PRSS23: variants seen among roughly 807,000 people sequenced by gnomAD.
The protein encoded by PRSS23 is protease, serine 23.
A neutral mutation model predicts 34.7 loss-of-function variants in PRSS23; 25 were observed. The observed-to-expected ratio is 0.72, with a 90% CI of 0.53 to 1.01. The LOEUF (loss-of-function observed/expected upper bound fraction) is 1.01, where lower values mean the gene tolerates loss of function less well. Ranked by LOEUF, PRSS23 falls within the 50% of genes least tolerant of loss-of-function variation. The pLI is 0.00. For synonymous variants in PRSS23, 176 were observed against 186.6 expected, an observed-to-expected ratio of 0.94 and a Z score of 0.46; for missense variants, 445 against 475.6, an observed-to-expected ratio of 0.94 and a Z score of 0.60.
intron 2 of PRSS23, among the ~76,000 whole-genome samples, chr11:86,842,958 G>C (rs1472993366): frequency 6.6e-6 from 1 of 152,112 alleles, no homozygotes; most frequent in African/African-American, 2.4e-5. Flanking sequence ...AGCCCACATA[G>C]CCAAGACAAT....
chr11:86,891,196 G>A (rs1254431205), intron 2 of PRSS23, among the ~76,000 whole-genome samples: 1 of 152,086 alleles, frequency 6.6e-6, no homozygotes, highest in Non-Finnish European at 1.5e-5. Flanking sequence ...GCAGAACAGC[G>A]AGGTAATTAT....
At chr11:86,855,763 A>G (rs954229667) in intron 2 of PRSS23, among the ~76,000 whole-genome samples, 9 of 152,164 alleles carry the variant, frequency 5.9e-5, no homozygotes, top group African/African-American at 2.2e-4. Context: ...GGCCTCCCAA[A>G]GTGCTGGGAT....
intron 2 of PRSS23, chr11:86,940,636 G>C (rs146457343): frequency 6.6e-6 from 1 of 152,220 alleles, no homozygotes; most frequent in South Asian, 2.1e-4. Flanking sequence ...GAGCGCAGGA[G>C]AGAATACGGC....
intron 2 of PRSS23, among the ~76,000 whole-genome samples, chr11:86,852,511 G>T (rs369046749): frequency 6.6e-6 from 1 of 151,936 alleles, no homozygotes; most frequent in African/African-American, 2.4e-5. Flanking sequence ...AGATCCAACT[G>T]CTTTAATTTT....
intron 2 of PRSS23, among the ~76,000 whole-genome samples, chr11:86,846,777 G>C (rs1040952223): frequency 2.6e-5 from 4 of 152,218 alleles, no homozygotes; most frequent in African/African-American, 9.6e-5. Context: ...GCACCCAGAA[G>C]ATCCCTGTTC....
At chr11:86,876,916 A>G (rs1948728468) in intron 2 of PRSS23, among the ~76,000 whole-genome samples, 1 of 152,240 alleles carries the variant, frequency 6.6e-6, no homozygotes, top group African/African-American at 2.4e-5. Flanking sequence ...AATGTGCTTC[A>G]GTCTCACCAC....
intron 2 of PRSS23, among the ~76,000 whole-genome samples, chr11:86,942,844 G>A (rs1385215305): frequency 6.6e-6 from 1 of 152,166 alleles, no homozygotes; most frequent in African/African-American, 2.4e-5. Context: ...GATCCTCCCA[G>A]TCCTACGGTA....
intron 2 of PRSS23, among the ~76,000 whole-genome samples, chr11:86,841,538 C>T (rs1431633351): frequency 6.6e-6 from 1 of 151,938 alleles, no homozygotes; most frequent in Non-Finnish European, 1.5e-5. Context: ...AGACCGCTAG[C>T]AAGACTAATA....
chr11:86,844,411 T>A (rs1948471174), intron 2 of PRSS23, among the ~76,000 whole-genome samples: 1 of 150,974 alleles, frequency 6.6e-6, no homozygotes. Context: ...TAAAGTATAA[T>A]AAAAAAAAAA....
At chr11:86,831,424 A>G (rs940807285) in intron 2 of PRSS23, among the ~76,000 whole-genome samples, 4 of 151,690 alleles carry the variant, frequency 2.6e-5, no homozygotes, top group African/African-American at 9.7e-5. Context: ...TGATACTCCT[A>G]ATGTCATAGC....
At chr11:86,906,202 C>G (rs1158354680) in intron 2 of PRSS23, among the ~76,000 whole-genome samples, 1 of 152,226 alleles carries the variant, frequency 6.6e-6, no homozygotes, top group Non-Finnish European at 1.5e-5. Flanking sequence ...TATTGTCTGC[C>G]AGTCAGAAGG....
chr11:86,901,018 C>T (rs1193910552), intron 2 of PRSS23, among the ~76,000 whole-genome samples: 2 of 151,972 alleles, frequency 1.3e-5, no homozygotes, highest in African/African-American at 4.8e-5. Context: ...CTCCTAACCT[C>T]AGGTGGTCCG....
At chr11:86,890,839 G>A (rs1279215237) in intron 2 of PRSS23, among the ~76,000 whole-genome samples, 1 of 152,166 alleles carries the variant, frequency 6.6e-6, no homozygotes, top group Non-Finnish European at 1.5e-5. Flanking sequence ...TCTCTTCTGT[G>A]TGTAAGCCCT....
In PRSS23 at chr11:86,951,217, A is replaced by G. The variant is rs778027186; in HGVS notation, c.208A>G (p.Ile70Val). 2.7e-5 allele frequency: 43 copies of G among 1,614,064 alleles called. No individual in the cohort carries two copies. Among genetic ancestry groups the G allele is most frequent in the Non-Finnish European group, 3.5e-5 (41 of 1,179,950 alleles). The change falls in exon 3 of 3, where the codon ATT (isoleucine) becomes GTT (valine). Residue 70 changes from isoleucine (I) to valine (V), a missense_variant and splice_region_variant. Coordinates refer to the PRSS23 transcript ENST00000533902. ...TCTTCTCTCTCTTTACCTTTCCAGA[A>G]TTCACCAATCTGTTGGAACACTTCT... is the stretch of plus-strand genomic sequence containing the variant.
At chr11:86,828,882 T>G (rs1431563741) in intron 2 of PRSS23, among the ~76,000 whole-genome samples, 2 of 152,234 alleles carry the variant, frequency 1.3e-5, no homozygotes, top group African/African-American at 4.8e-5. Context: ...TCTGATGGGC[T>G]TCCGTTTGTG....
intron 2 of PRSS23, among the ~76,000 whole-genome samples, chr11:86,930,873 A>C (rs1428158948): frequency 6.6e-6 from 1 of 152,148 alleles, no homozygotes; most frequent in Non-Finnish European, 1.5e-5. Flanking sequence ...TTCACAGTCA[A>C]GGAGTAGAAA....
chr11:86,885,363 A>G (rs1018510324), intron 2 of PRSS23, among the ~76,000 whole-genome samples: 1 of 152,256 alleles, frequency 6.6e-6, no homozygotes, highest in Non-Finnish European at 1.5e-5. Context: ...TCCATAAATT[A>G]GAGGCGAAGT....
intron 1 of PRSS23, among the ~76,000 whole-genome samples, chr11:86,816,492 A>G (rs1214948245): frequency 6.6e-6 from 1 of 152,170 alleles, no homozygotes; most frequent in East Asian, 1.9e-4. Flanking sequence ...CTACATTTTA[A>G]TAAGTCTTTG....
At position 86,808,253 on chromosome 11, in the gene PRSS23, C is replaced by T. The variant is rs868243818; in HGVS notation, c.610C>T (p.Arg204Ter). The T allele has an allele frequency of 1.9e-6, 3 of 1,613,966 alleles. No individual in the cohort carries two copies. Among genetic ancestry groups the T allele is most frequent in the African/African-American group, 1.3e-5 (1 of 75,024 alleles). ...AAAGCCCAAGTTTAAAGATGGTGGT[C>T]GAGGGGCCAACGACTCCACTTCAGC... ...FLKPKFKDGG[R>*]GANDSTSAMP... is the part of the protein sequence containing the mutation. Residue 204 changes from arginine (R) to a stop codon, truncating the protein, a stop_gained, in exon 2 of 2, where the codon CGA becomes TGA. Coordinates refer to ENST00000280258, the MANE Select transcript of PRSS23 (RefSeq NM_007173.6). LOFTEE classifies it high-confidence loss of function.
Sources: allele counts gnomAD v4.1 joint callset (sites outside exome capture counted in the v4.1 genomes callset), GRCh38; gene constraint gnomAD v4.1.1; transcripts MANE v1.5; gene names NCBI Gene and HGNC (gene_info 2026-07-23, HGNC 2026-07-21).